The following MAGI3 variants were observed in gnomAD, a reference collection of about 807,000 sequenced individuals.
MAGI3 encodes the protein membrane-associated guanylate kinase, WW and PDZ domain-containing protein 3.
A neutral mutation model predicts 121.8 loss-of-function variants in MAGI3; 43 were observed. That is an observed-to-expected ratio of 0.35 (90% CI 0.28 to 0.46). The LOEUF is 0.46. Among genes scored for constraint, MAGI3 ranks in the 20% least tolerant of loss-of-function variants. The pLI is 1.00. For synonymous variants in MAGI3, 553 were observed against 639.3 expected (o/e 0.86, Z 2.04); for missense variants, 1,547 against 1,797.3 (o/e 0.86, Z 2.52).
chr1:113,405,245 C>T (rs931841048), intron 1 of MAGI3, among the ~76,000 whole-genome samples: 2 of 151,970 alleles, frequency 1.3e-5, no homozygotes, highest in Non-Finnish European at 2.9e-5. Context: ...GAGGCCAAGG[C>T]AAGTGGATTG....
rs1389363661 is a variant in MAGI3 at position 113,422,470 on chromosome 1, C to T, written c.316+31121C>T. Among the ~76,000 whole-genome samples, 1 of 152,248 alleles carries T rather than the reference C, an allele frequency of 6.6e-6. No homozygotes were observed. Among genetic ancestry groups the T allele is most frequent in the Non-Finnish European group, 1.5e-5 (1 of 68,044 alleles). ...TCATGATGCCTGCCCGGATCCCATA[C>T]CTGCCAAGGGTGAGCCAGGACAGAG... On this transcript the variant is annotated intron_variant, in intron 1 of 20. Transcript: ENST00000307546. This position sits in a 1 kb window ranked among gnomAD's most constrained non-coding sequence, Gnocchi z 4.3.
chr1:113,673,787 C>T (rs1228428909), intron 19 of MAGI3, among the ~76,000 whole-genome samples: 1 of 152,198 alleles, frequency 6.6e-6, no homozygotes, highest in African/African-American at 2.4e-5. Flanking sequence ...CACTTTTCAT[C>T]TTAATAAGAG....
intron 1 of MAGI3, among the ~76,000 whole-genome samples, chr1:113,513,947 A>G (rs1199158808): frequency 2.6e-5 from 4 of 151,154 alleles, no homozygotes; most frequent in African/African-American, 9.7e-5. Flanking sequence ...AAACAACCCC[A>G]TCAAAAAGTG....
intron 9 of MAGI3, among the ~76,000 whole-genome samples, chr1:113,628,212 G>A (rs940989818): frequency 5.3e-5 from 8 of 151,916 alleles, no homozygotes; most frequent in South Asian, 2.1e-4. Flanking sequence ...TTACCAGGAC[G>A]CTAGAAAATA....
chr1:113,603,637 A>T (rs955809885), intron 6 of MAGI3, among the ~76,000 whole-genome samples: 1 of 152,156 alleles, frequency 6.6e-6, no homozygotes, highest in Admixed American at 6.5e-5. Flanking sequence ...AATGCGACCT[A>T]ATTAAACAAA....
chr1:113,675,318 C>T (rs1159676820), intron 19 of MAGI3, among the ~76,000 whole-genome samples: 1 of 152,068 alleles, frequency 6.6e-6, no homozygotes, highest in Non-Finnish European at 1.5e-5. Context: ...AATAAAGGAC[C>T]AGACTAGATG....
chr1:113,598,039 C>T (rs905153532), intron 6 of MAGI3, among the ~76,000 whole-genome samples: 1 of 152,044 alleles, frequency 6.6e-6, no homozygotes, highest in Non-Finnish European at 1.5e-5. Flanking sequence ...TGGTGAAACC[C>T]CATCTCTACT....
At chr1:113,580,515 CCTA>C in intron 2 of MAGI3, 24 bp from the exon 3 acceptor site, 1 of 1,581,518 alleles carries the variant, frequency 6.3e-7, no homozygotes, top group Non-Finnish European at 8.6e-7. Context: ...TACTTTACAA[CCTA>C]CTTTTTTTTT....
chr1:113,412,268 A>G (rs889339555), intron 1 of MAGI3, among the ~76,000 whole-genome samples: 1 of 152,114 alleles, frequency 6.6e-6, no homozygotes, highest in African/African-American at 2.4e-5. Flanking sequence ...AATCCAGTCT[A>G]TCATTGATGG....
At chr1:113,513,965 G>GACATGA (rs1471232249) in intron 1 of MAGI3, among the ~76,000 whole-genome samples, 4 of 151,846 alleles carry the variant, frequency 2.6e-5, no homozygotes, top group Non-Finnish European at 4.4e-5. Flanking sequence ...GTGGGTGAAG[G>GACATGA]ACATGAACAG....
chr1:113,520,822 G>A (rs916543880), intron 1 of MAGI3, among the ~76,000 whole-genome samples: 2 of 151,912 alleles, frequency 1.3e-5, no homozygotes, highest in Non-Finnish European at 2.9e-5. Context: ...AGCTGGTCTC[G>A]AACTCCTGAC....
At chr1:113,494,051 A>G (rs993098285) in intron 1 of MAGI3, among the ~76,000 whole-genome samples, 2 of 152,182 alleles carry the variant, frequency 1.3e-5, no homozygotes, top group South Asian at 2.1e-4. Context: ...AAATCGTTCT[A>G]TTATAAAGAC....
chr1:113,423,629 G>A (rs373796047), intron 1 of MAGI3, among the ~76,000 whole-genome samples: 27 of 152,224 alleles, frequency 1.8e-4, no homozygotes, highest in African/African-American at 4.6e-4. Context: ...TGGTCCATGC[G>A]CAGCCATGGG....
At chr1:113,572,866 G>C (rs1647385770) in intron 2 of MAGI3, among the ~76,000 whole-genome samples, 1 of 151,634 alleles carries the variant, frequency 6.6e-6, no homozygotes, top group Admixed American at 6.6e-5. Context: ...ATTTTTTGGA[G>C]GGTGTTTCAT....
intron 9 of MAGI3, among the ~76,000 whole-genome samples, chr1:113,629,804 T>C (rs1226454679): frequency 8.1e-6 from 1 of 123,944 alleles, no homozygotes. Context: ...GTCTCTCTCT[T>C]TCTCTCTCTC....
chr1:113,590,716 A>AT (rs1423251494), intron 5 of MAGI3, 58 bp downstream of exon 5: 3 of 1,479,820 alleles, frequency 2.0e-6, no homozygotes, highest in Non-Finnish European at 2.7e-6. Context: ...ATTGTCTAAG[A>AT]TTTTTTTAAA....
chr1:113,629,748 CTCT>C (rs1651483505), intron 9 of MAGI3, among the ~76,000 whole-genome samples: 1 of 69,238 alleles, frequency 1.4e-5, no homozygotes, highest in Non-Finnish European at 3.5e-5. Flanking sequence ...CTCTCTCTCT[CTCT>C]CTCTCTCTCT....
At chr1:113,471,225 G>A (rs1381493663) in intron 1 of MAGI3, among the ~76,000 whole-genome samples, 2 of 152,042 alleles carry the variant, frequency 1.3e-5, no homozygotes, top group Admixed American at 1.3e-4. Context: ...ATGTGTTAGG[G>A]CACAAAACAA....
At chr1:113,668,739 C>T (rs2798139) in intron 16 of MAGI3, among the ~76,000 whole-genome samples, 6 of 151,154 alleles carry the variant, frequency 4.0e-5, no homozygotes, top group South Asian at 2.1e-4. Context: ...CCCGCCACCG[C>T]GCCCGGCTAA....
Sources: gnomAD v4.1 joint callset for allele counts (sites outside exome capture counted in the v4.1 genomes callset) on GRCh38, gnomAD v4.1.1 for gene constraint, Gnocchi (gnomAD v3.1) non-coding constraint, MANE v1.5 for transcripts, NCBI Gene and HGNC (gene_info 2026-07-23, HGNC 2026-07-21) for gene names.